TAFA2: variants seen among roughly 807,000 people sequenced by gnomAD.
The protein encoded by TAFA2 is TAFA chemokine like family member 2.
A neutral mutation model predicts 18.8 loss-of-function variants in TAFA2; 7 were observed. The observed-to-expected ratio is 0.37, with a 90% CI of 0.21 to 0.70. TAFA2 has a LOEUF of 0.70. Among genes scored for constraint, TAFA2 ranks in the 30% least tolerant of loss-of-function variants. The pLI is 0.53. For missense variants in TAFA2, 122 were observed against 158.1 expected (o/e 0.77, Z 1.23); for synonymous variants, 60 against 54.2 (o/e 1.11, Z -0.47).
intron 1 of TAFA2, among the ~76,000 whole-genome samples, chr12:62,202,383 G>A (rs2062674935): frequency 6.6e-6 from 1 of 150,672 alleles, no homozygotes; most frequent in Non-Finnish European, 1.5e-5. Context: ...GTCTCGCTCT[G>A]TGGCCCAGGC....
intron 1 of TAFA2, among the ~76,000 whole-genome samples, chr12:61,912,187 A>G (rs1220140900): frequency 6.6e-6 from 1 of 152,204 alleles, no homozygotes; most frequent in Admixed American, 6.5e-5. Context: ...GACCCAGCTA[A>G]TAAGAACCAG....
chr12:61,737,196 T>C (rs142090046), intron 4 of TAFA2, among the ~76,000 whole-genome samples: 2 of 152,082 alleles, frequency 1.3e-5, no homozygotes, highest in African/African-American at 4.8e-5. Context: ...GGATTTTATA[T>C]TACCTAGTGT....
At chr12:62,043,557 T>C (rs979673624) in intron 1 of TAFA2, among the ~76,000 whole-genome samples, 1 of 152,108 alleles carries the variant, frequency 6.6e-6, no homozygotes, top group Non-Finnish European at 1.5e-5. Context: ...GGCACATGTA[T>C]ACATATGTAA....
rs851916 is a variant in TAFA2 at position 61,941,709 on chromosome 12, G to T, written c.-1-74283C>A. 2.6e-4 allele frequency among the ~76,000 whole-genome samples: 40 copies of T among 152,036 alleles called. No homozygotes were observed. The East Asian group carries it at 6.8e-3, about 26-fold the overall frequency. On this transcript the variant is annotated intron_variant, in intron 1 of 4. Transcript: ENST00000416284. ...GGGGTGACAGATGCACCTGGAAAAT[G>T]GGGTCACTCCCACCCGAATATTGCG...
At chr12:61,811,590 C>T (rs57343781) in intron 2 of TAFA2, among the ~76,000 whole-genome samples, 7,260 of 151,260 alleles carry the variant, frequency 0.048, 900 homozygotes, top group African/African-American at 0.17. Flanking sequence ...CAAAAATAAC[C>T]ACTATATATC....
chr12:62,051,018 A>G (rs1882038441), intron 1 of TAFA2, among the ~76,000 whole-genome samples: 2 of 152,204 alleles, frequency 1.3e-5, no homozygotes, highest in South Asian at 4.1e-4. Flanking sequence ...CAAAATGCCA[A>G]CATTTCCCAC....
At chr12:61,743,816 C>T (rs184018849) in intron 4 of TAFA2, among the ~76,000 whole-genome samples, 103 of 152,106 alleles carry the variant, frequency 6.8e-4, no homozygotes, top group African/African-American at 2.2e-3. Context: ...TCACATAAAA[C>T]GTGTGATGGA....
intron 1 of TAFA2, among the ~76,000 whole-genome samples, chr12:61,903,699 T>C (rs1409286206): frequency 1.3e-5 from 2 of 152,210 alleles, no homozygotes; most frequent in African/African-American, 4.8e-5. Flanking sequence ...AATTGCTTGA[T>C]TTGCGTGCTA....
In TAFA2 at chr12:62,146,284, CTTT is replaced by C. The variant is rs11415151; in HGVS notation, c.-2+44972_-2+44974del. Reference sequence around the variant, plus strand: ...CTTCAAAGCTTTCTCCCCTTTGCTGCTTTTTTTTTTTTTTTTTTTGACAGGATC... The same window carrying C: ...CTTCAAAGCTTTCTCCCCTTTGCTGCTTTTTTTTTTTTTTTTGACAGGATC... On this transcript the variant is annotated intron_variant, in intron 1 of 4. Coordinates refer to ENST00000416284, the MANE Select transcript of TAFA2 (RefSeq NM_178539.5). 7.8e-3 allele frequency among the ~76,000 whole-genome samples: 915 copies of C among 117,692 alleles called. 5 individuals are homozygous for C. The highest frequency in any genetic ancestry group is 0.027 in the African/African-American group (829 of 31,130). The allele number at this position is 117,692 out of a possible 152,430, so 77.2% of individuals were successfully genotyped here. A position where few individuals can be genotyped will look rare whatever the true frequency, so the allele number is the denominator to read the frequency against.
At chr12:61,861,596 A>T (rs1030195651) in intron 2 of TAFA2, among the ~76,000 whole-genome samples, 1 of 151,982 alleles carries the variant, frequency 6.6e-6, no homozygotes, top group Non-Finnish European at 1.5e-5. Flanking sequence ...AAAGCCCAAC[A>T]CTTAACAGAC....
At chr12:62,008,489 A>G (rs1565713947) in intron 1 of TAFA2, among the ~76,000 whole-genome samples, 1 of 152,154 alleles carries the variant, frequency 6.6e-6, no homozygotes, top group Non-Finnish European at 1.5e-5. Flanking sequence ...GCTAGTACCT[A>G]CCATTTTTTT....
chr12:62,013,474 G>A (rs2136716997), intron 1 of TAFA2, among the ~76,000 whole-genome samples: 1 of 152,282 alleles, frequency 6.6e-6, no homozygotes, highest in African/African-American at 2.4e-5. Flanking sequence ...TAAGTTAATA[G>A]TAAGTCTAAA....
At chr12:61,715,555 T>C (rs1335535756) in intron 4 of TAFA2, among the ~76,000 whole-genome samples, 3 of 151,916 alleles carry the variant, frequency 2.0e-5, no homozygotes, top group African/African-American at 7.3e-5. Context: ...AGTTTCACCA[T>C]GTTAGCCAGG....
intron 1 of TAFA2, among the ~76,000 whole-genome samples, chr12:61,956,792 C>G (rs1040584815): frequency 6.6e-6 from 1 of 152,116 alleles, no homozygotes; most frequent in Non-Finnish European, 1.5e-5. Context: ...CATTTCAGAA[C>G]AGCATGAGAT....
At chr12:62,090,260 G>T (rs1465222512) in intron 1 of TAFA2, among the ~76,000 whole-genome samples, 4 of 151,986 alleles carry the variant, frequency 2.6e-5, no homozygotes, top group African/African-American at 9.7e-5. Context: ...GGACTGAATT[G>T]AAAAAGCTTT....
chr12:62,036,553 ACC>A (rs2136753631), intron 1 of TAFA2, among the ~76,000 whole-genome samples: 1 of 152,334 alleles, frequency 6.6e-6, no homozygotes, highest in East Asian at 1.9e-4. Flanking sequence ...ATCTGTGTTC[ACC>A]ATTCAGCCTG....
At chr12:61,937,955 GA>G (rs554465007) in intron 1 of TAFA2, among the ~76,000 whole-genome samples, 5 of 150,996 alleles carry the variant, frequency 3.3e-5, no homozygotes, top group Admixed American at 1.3e-4. Flanking sequence ...AAATCAGCAA[GA>G]AAAAAAACAA....
Position 61,836,686 on chromosome 12 carries a change from T to C in TAFA2, c.106+30634A>G, listed in dbSNP as rs548626521. ...TTTGAAAGCATTATATATCTCTTTT[T>C]GCCATAAAATAGCTAGCACTTAGTA... is the stretch of plus-strand genomic sequence containing the variant. On this transcript the variant is annotated intron_variant, in intron 2 of 4. Transcript: ENST00000416284. Among the ~76,000 whole-genome samples the C allele has an allele frequency of 1.4e-3, 207 of 149,106 alleles. 1 individual carries two copies. Among genetic ancestry groups the C allele is most frequent in the Non-Finnish European group, 2.4e-3 (159 of 67,128 alleles).
chr12:62,073,145 A>G (rs190304054), intron 1 of TAFA2, among the ~76,000 whole-genome samples: 20 of 152,316 alleles, frequency 1.3e-4, no homozygotes, highest in Admixed American at 1.3e-3. Flanking sequence ...AAAGCAGGCA[A>G]TACAGATCAG....
Sources: gnomAD v4.1 joint callset for allele counts (sites outside exome capture counted in the v4.1 genomes callset) on GRCh38, gnomAD v4.1.1 for gene constraint, MANE v1.5 for transcripts, NCBI Gene and HGNC (gene_info 2026-07-23, HGNC 2026-07-21) for gene names.